The following SAMMSON variants were observed in gnomAD, a reference collection of about 807,000 sequenced individuals.
The protein encoded by SAMMSON is survival associated mitochondrial melanoma specific oncogenic non-coding RNA, also known as long intergenic non-protein coding RNA 1212.
chr3:70,293,855 T>C (rs1357325662), intron 7 of SAMMSON, among the ~76,000 whole-genome samples: 1 of 152,102 alleles, frequency 6.6e-6, no homozygotes, highest in Non-Finnish European at 1.5e-5. Flanking sequence ...AACTTACCAC[T>C]TTCAGTTTCA....
intron 6 of SAMMSON, chr3:70,283,708 T>G (rs1702111926): frequency 6.6e-6 from 1 of 151,526 alleles, no homozygotes; most frequent in Admixed American, 6.6e-5. Context: ...TCAAAGGGTT[T>G]CAAGTTAGAA....
At chr3:70,300,643 C>T (rs1277731936) in intron 7 of SAMMSON, among the ~76,000 whole-genome samples, 1 of 151,982 alleles carries the variant, frequency 6.6e-6, no homozygotes, top group Non-Finnish European at 1.5e-5. Flanking sequence ...AGTTATTTCT[C>T]CCAGTTGTAT....
At chr3:70,323,004 A>C (rs1575625627) in intron 7 of SAMMSON, among the ~76,000 whole-genome samples, 1 of 152,134 alleles carries the variant, frequency 6.6e-6, no homozygotes, top group African/African-American at 2.4e-5. Context: ...ATTAAGAAAA[A>C]GAAGACAGTG....
At position 70,421,937 on chromosome 3, in the gene SAMMSON, T is replaced by C. The variant is rs1406125356; in HGVS notation, n.234-40623T>C. On this transcript the variant is annotated intron_variant and non_coding_transcript_variant, in intron 2 of 3. Coordinates refer to the SAMMSON transcript ENST00000641053. ...AAATTAGGCTGGTATTTTATACCAGTGAAAATGTAGATGGAATTGACTAAT... is the reference window on the plus strand; with the variant it reads ...AAATTAGGCTGGTATTTTATACCAGCGAAAATGTAGATGGAATTGACTAAT... 2.6e-5 allele frequency among the ~76,000 whole-genome samples: 4 copies of C among 152,132 alleles called. No homozygotes were observed. In the East Asian group the frequency reaches 7.7e-4, roughly 29 times the overall value.
chr3:70,044,431 A>T (rs1313617709), intron 3 of SAMMSON, among the ~76,000 whole-genome samples: 1 of 152,094 alleles, frequency 6.6e-6, no homozygotes, highest in Non-Finnish European at 1.5e-5. Flanking sequence ...TCCGATGATT[A>T]TAGTGGTATG....
chr3:70,211,964 C>T (rs1350530433), intron 4 of SAMMSON, among the ~76,000 whole-genome samples: 1 of 151,834 alleles, frequency 6.6e-6, no homozygotes, highest in South Asian at 2.1e-4. Context: ...TAGCCCATCT[C>T]CATTATCAGC....
chr3:70,007,084 T>C (rs1442295214), intron 1 of SAMMSON, among the ~76,000 whole-genome samples: 1 of 152,144 alleles, frequency 6.6e-6, no homozygotes, highest in Non-Finnish European at 1.5e-5. Context: ...TCTTTGCTAT[T>C]GTGAATAGTG....
intron 3 of SAMMSON, among the ~76,000 whole-genome samples, chr3:70,024,065 A>T (rs182770884): frequency 5.8e-4 from 89 of 152,180 alleles, no homozygotes; most frequent in African/African-American, 1.6e-3. Flanking sequence ...ATCTGCCTCA[A>T]TCACTAGCAG....
chr3:70,206,437 G>T (rs900874616), intron 4 of SAMMSON: 1 of 394,054 alleles, frequency 2.5e-6, no homozygotes, highest in African/African-American at 2.1e-5. Flanking sequence ...ATTCACCAGA[G>T]TTTTCAAATC....
intron 7 of SAMMSON, among the ~76,000 whole-genome samples, chr3:70,322,286 A>G (rs1200240855): frequency 1.3e-5 from 2 of 152,148 alleles, no homozygotes; most frequent in African/African-American, 4.8e-5. Flanking sequence ...TCTTTAACCA[A>G]TACAATATGT....
At chr3:70,268,732 A>G (rs1474323833) in intron 6 of SAMMSON, among the ~76,000 whole-genome samples, 1 of 152,132 alleles carries the variant, frequency 6.6e-6, no homozygotes, top group Admixed American at 6.5e-5. Context: ...TGATTTTGGC[A>G]TCTGCTTTAG....
At chr3:70,247,990 T>C (rs1437980635) in intron 4 of SAMMSON, among the ~76,000 whole-genome samples, 1 of 152,076 alleles carries the variant, frequency 6.6e-6, no homozygotes, top group Non-Finnish European at 1.5e-5. Flanking sequence ...ATGATCAAAA[T>C]AAAAGTCTAA....
intron 7 of SAMMSON, among the ~76,000 whole-genome samples, chr3:70,306,354 A>G (rs985577067): frequency 2.6e-5 from 4 of 151,814 alleles, no homozygotes; most frequent in African/African-American, 9.7e-5. Context: ...CTCATGATCT[A>G]CCCGCCTCGG....
intron 4 of SAMMSON, among the ~76,000 whole-genome samples, chr3:70,093,745 T>C: frequency 6.6e-6 from 1 of 152,072 alleles, no homozygotes; most frequent in Non-Finnish European, 1.5e-5. Flanking sequence ...TCTCTTTGGT[T>C]CTTTAGTTTA....
intron 4 of SAMMSON, among the ~76,000 whole-genome samples, chr3:70,137,056 G>C (rs1435681200): frequency 6.6e-6 from 1 of 152,226 alleles, no homozygotes; most frequent in East Asian, 1.9e-4. Flanking sequence ...AAAACCAAAA[G>C]CTACACATTT....
intron 8 of SAMMSON, among the ~76,000 whole-genome samples, chr3:70,355,051 T>A (rs1702819706): frequency 6.6e-6 from 1 of 151,980 alleles, no homozygotes; most frequent in African/African-American, 2.4e-5. Flanking sequence ...AATTTAATAG[T>A]TGGAAATAAG....
chr3:70,390,612 A>G (rs963696558), downstream of SAMMSON, among the ~76,000 whole-genome samples: 3 of 151,880 alleles, frequency 2.0e-5, no homozygotes, highest in Non-Finnish European at 4.4e-5. Context: ...TCTTGTGAGA[A>G]CTCATTCAGT....
chr3:70,111,958 A>G (rs986079443), intron 4 of SAMMSON, among the ~76,000 whole-genome samples: 1 of 151,994 alleles, frequency 6.6e-6, no homozygotes, highest in Non-Finnish European at 1.5e-5. Flanking sequence ...TGAAAGGTAG[A>G]ATGAGAAGGT....
At chr3:70,318,286 T>C (rs566477000) in intron 7 of SAMMSON, among the ~76,000 whole-genome samples, 15 of 152,148 alleles carry the variant, frequency 9.9e-5, no homozygotes, top group African/African-American at 3.6e-4. Flanking sequence ...ACACAGTTCA[T>C]AGAGGCTTTG....
Sources: allele counts gnomAD v4.1 joint callset (sites outside exome capture counted in the v4.1 genomes callset), GRCh38; gene constraint gnomAD v4.1.1; transcripts MANE v1.5; gene names NCBI Gene and HGNC (gene_info 2026-07-23, HGNC 2026-07-21).